MAN2A1: variants seen among roughly 807,000 people sequenced by gnomAD.
The protein encoded by MAN2A1 is mannosidase alpha class 2A member 1.
A neutral mutation model predicts 142.6 loss-of-function variants in MAN2A1; 76 were observed. That is an observed-to-expected ratio of 0.53 (90% CI 0.44 to 0.65). MAN2A1 has a LOEUF of 0.65. MAN2A1 is among the 30% of genes least tolerant of loss of function. The pLI, the probability that MAN2A1 is intolerant of heterozygous loss-of-function variation, is 0.00. For synonymous variants in MAN2A1, 559 were observed against 473.2 expected, an observed-to-expected ratio of 1.18 and a Z score of -2.35; for missense variants, 1,311 against 1,365.1, an observed-to-expected ratio of 0.96 and a Z score of 0.62.
intron 21 of MAN2A1, 29 bp downstream of exon 21, chr5:109,865,175 T>C: frequency 1.3e-6 from 2 of 1,494,766 alleles, no homozygotes; most frequent in Non-Finnish European, 1.9e-6. Context: ...TTTTGCTTAC[T>C]GTTAGTGTGC....
rs773118357 is a variant in MAN2A1, at chr5:109,774,961, TTAAGG to T, written c.1374+2_1374+6del. On this transcript the variant is annotated splice_donor_variant and coding_sequence_variant, in exon 8 of 22. Transcript: ENST00000261483. LOFTEE classifies it high-confidence loss of function. Reference sequence around the variant, plus strand: ...ATGAATTCTCAGTCCAAGTTTAAAGTTAAGGTAAGGAGAAAATATTTATGATTCCG... The same window carrying T: ...ATGAATTCTCAGTCCAAGTTTAAAGTTAAGGAGAAAATATTTATGATTCCG... 5.7e-6 allele frequency: 9 copies of T among 1,590,046 alleles called. No homozygotes were observed. Among genetic ancestry groups the T allele is most frequent in the Admixed American group, 1.7e-5 (1 of 57,686 alleles).
chr5:109,808,702 ATT>A (rs34026574), intron 12 of MAN2A1, among the ~76,000 whole-genome samples: 1,429 of 114,450 alleles, frequency 0.012, 11 homozygotes, highest in African/African-American at 0.045. Context: ...CCTTACACTA[ATT>A]TTTTTTTTTT....
intron 1 of MAN2A1, among the ~76,000 whole-genome samples, chr5:109,708,819 AG>A (rs956119481): frequency 6.6e-6 from 1 of 152,184 alleles, no homozygotes; most frequent in Non-Finnish European, 1.5e-5. Context: ...AAAAGCGGCC[AG>A]GCTCTTAGAG....
intron 1 of MAN2A1, among the ~76,000 whole-genome samples, chr5:109,706,252 C>T (rs1751127973): frequency 1.3e-5 from 2 of 152,090 alleles, no homozygotes; most frequent in South Asian, 2.1e-4. Context: ...GTAGTGGTGC[C>T]AGAATTCAAA....
intron 8 of MAN2A1, among the ~76,000 whole-genome samples, chr5:109,776,447 G>T (rs1753294609): frequency 1.3e-5 from 2 of 151,940 alleles, no homozygotes; most frequent in South Asian, 4.2e-4. Context: ...CAGAGGAAGG[G>T]ATATATATAT....
At position 109,844,497 on chromosome 5, in the gene MAN2A1, C is replaced by T. The variant is rs1755297470; in HGVS notation, c.2701-1368C>T. ...CTTTACTTTTTTTTTTTTCTTTAAA[C>T]ATTTTACAGTTGTAGCTTTATCAGT... On this transcript the variant is annotated intron_variant, in intron 17 of 21. Transcript: ENST00000261483. Among the ~76,000 whole-genome samples the T allele has an allele frequency of 3.3e-5, 5 of 149,750 alleles. 1 individual carries two copies. The South Asian group carries it at 1.1e-3, about 31-fold the overall frequency.
intron 7 of MAN2A1, among the ~76,000 whole-genome samples, chr5:109,771,920 A>G (rs559180820): frequency 7.9e-5 from 12 of 152,258 alleles, no homozygotes; most frequent in African/African-American, 2.4e-4. Flanking sequence ...TACCTGAGGC[A>G]CATTATTGAG....
intron 1 of MAN2A1, among the ~76,000 whole-genome samples, chr5:109,702,440 G>T (rs1011883821): frequency 2.0e-5 from 3 of 151,874 alleles, no homozygotes; most frequent in Admixed American, 2.0e-4. Context: ...CCAAATAGGG[G>T]GCTGAAGTTT....
chr5:109,690,571 G>A lies in MAN2A1; in HGVS notation c.135+19G>A, dbSNP rs1183464312. On this transcript the variant is annotated intron_variant, in intron 1 of 21. Transcript: ENST00000261483. ...CCCTCAGGTAAGCACCTGGGAAGGG[G>A]GCGCGGGGCTCCGAGGGGCCAGGCG... 1 of 1,577,978 alleles carries A rather than the reference G, an allele frequency of 6.3e-7. No homozygotes were observed. Among genetic ancestry groups the A allele is most frequent in the Non-Finnish European group, 8.6e-7 (1 of 1,162,636 alleles).
chr5:109,692,799 TG>T (rs1288693497), intron 1 of MAN2A1, among the ~76,000 whole-genome samples: 1 of 10,140 alleles, frequency 9.9e-5, no homozygotes, highest in African/African-American at 4.2e-4. Flanking sequence ...GGGGTGGGGA[TG>T]GGGGGAGTCG....
chr5:109,743,973 C>T (rs968842601), intron 4 of MAN2A1, among the ~76,000 whole-genome samples: 2 of 152,168 alleles, frequency 1.3e-5, no homozygotes, highest in African/African-American at 4.8e-5. Flanking sequence ...CACGGGTGTC[C>T]TCAGACACAT....
At chr5:109,835,565 A>C (rs1755033973) in intron 16 of MAN2A1, among the ~76,000 whole-genome samples, 1 of 152,124 alleles carries the variant, frequency 6.6e-6, no homozygotes. Flanking sequence ...TCTTTTTCCT[A>C]GGTGACCGTG....
chr5:109,743,916 TA>T (rs1003394652), intron 4 of MAN2A1, among the ~76,000 whole-genome samples: 1 of 152,190 alleles, frequency 6.6e-6, no homozygotes, highest in African/African-American at 2.4e-5. Context: ...TGCTCATCCT[TA>T]TCTCCAGTCA....
At chr5:109,764,914 A>T (rs1397499357) in intron 5 of MAN2A1, among the ~76,000 whole-genome samples, 1 of 152,160 alleles carries the variant, frequency 6.6e-6, no homozygotes, top group Non-Finnish European at 1.5e-5. Context: ...AAGGACTCCC[A>T]TGTATCTTGT....
chr5:109,771,971 A>T (rs1371527471), intron 7 of MAN2A1, among the ~76,000 whole-genome samples: 1 of 152,206 alleles, frequency 6.6e-6, no homozygotes, highest in Non-Finnish European at 1.5e-5. Flanking sequence ...TATGTCATCT[A>T]ACCTTTCAAC....
intron 12 of MAN2A1, among the ~76,000 whole-genome samples, chr5:109,814,476 G>A (rs1255049262): frequency 6.6e-6 from 1 of 152,120 alleles, no homozygotes; most frequent in Non-Finnish European, 1.5e-5. Flanking sequence ...AGGAGTTCGT[G>A]TGTCAGATAA....
At chr5:109,849,434 T>TC (rs1554083498) in intron 19 of MAN2A1, among the ~76,000 whole-genome samples, 3 of 151,884 alleles carry the variant, frequency 2.0e-5, no homozygotes, top group African/African-American at 2.4e-5. Flanking sequence ...TTTTCAGTGT[T>TC]CCCCCCAGTC....
chr5:109,826,739 C>G (rs1483858432), intron 16 of MAN2A1, among the ~76,000 whole-genome samples: 1 of 152,212 alleles, frequency 6.6e-6, no homozygotes. Context: ...GGGTATTTGG[C>G]TCTATCAGCG....
chr5:109,764,994 C>G (rs1752950404), intron 5 of MAN2A1, among the ~76,000 whole-genome samples: 1 of 152,040 alleles, frequency 6.6e-6, no homozygotes, highest in Non-Finnish European at 1.5e-5. Context: ...ACCCTTATCT[C>G]TAAATACTTC....
Sources: gnomAD v4.1 joint callset for allele counts (sites outside exome capture counted in the v4.1 genomes callset) on GRCh38, gnomAD v4.1.1 for gene constraint, MANE v1.5 for transcripts, NCBI Gene and HGNC (gene_info 2026-07-23, HGNC 2026-07-21) for gene names.